The following OBI1 variants were observed in gnomAD, a reference collection of about 807,000 sequenced individuals.
The protein encoded by OBI1 is ORC ubiquitin ligase 1.
A neutral mutation model predicts 62.4 loss-of-function variants in OBI1; 59 were observed. That is an observed-to-expected ratio of 0.95 (90% CI 0.77 to 1.17). OBI1 has a LOEUF of 1.17. Ranked by LOEUF, OBI1 falls within the 50% of genes most tolerant of loss-of-function variation. The pLI is 0.00. For missense variants in OBI1, 875 were observed against 830.9 expected (o/e 1.05, Z -0.65); for synonymous variants, 302 against 292.8 (o/e 1.03, Z -0.32).
chr13:78,620,803 G>C, intron 5 of OBI1: 2 of 351,340 alleles, frequency 5.7e-6, no homozygotes, highest in Non-Finnish European at 1.1e-5. Context: ...CTATCACACA[G>C]AAAAACAGGA....
intron 5 of OBI1, among the ~76,000 whole-genome samples, chr13:78,620,366 C>T (rs534774209): frequency 5.3e-5 from 8 of 152,304 alleles, no homozygotes; most frequent in African/African-American, 1.9e-4. Context: ...TTTCTAATAT[C>T]ATTTACCATA....
At chr13:78,618,484 A>C (rs541662286) in intron 5 of OBI1, among the ~76,000 whole-genome samples, 1 of 152,216 alleles carries the variant, frequency 6.6e-6, no homozygotes, top group East Asian at 1.9e-4. Context: ...CTTAATGCCC[A>C]TCACCTCCTA....
chr13:78,652,134 G>A (rs552750105), intron 1 of OBI1, among the ~76,000 whole-genome samples: 4 of 152,164 alleles, frequency 2.6e-5, no homozygotes, highest in East Asian at 1.9e-4. Context: ...GGAAGATTTC[G>A]GAAACAGGTG....
intron 5 of OBI1, among the ~76,000 whole-genome samples, chr13:78,629,828 T>C (rs528080397): frequency 2.8e-4 from 42 of 152,194 alleles, no homozygotes; most frequent in African/African-American, 9.1e-4. Flanking sequence ...GTGGATGTAG[T>C]GGAGTCATGC....
In OBI1 at chr13:78,616,294, T is replaced by C. The variant is rs1459766192; in HGVS notation, c.1467A>G (p.Ala489=). 6.2e-7 allele frequency: 1 copy of C among 1,614,094 alleles called. No homozygotes were observed. The highest frequency in any genetic ancestry group is 1.1e-5 in the South Asian group (1 of 91,088). Residue 489 remains alanine, a synonymous_variant, in exon 6 of 6, where the codon GCA becomes GCG. Transcript: ENST00000282003. The stretch of plus-strand genomic sequence containing the variant: ...TTGAAGATATTTCTCCAACAGAATT[T>C]GCTATCGTGTTCCCCTCTGAACTTT... ...DFESSEGNTI[A]NSVGEISSKL... is the part of the protein sequence containing the mutation.
In OBI1 at chr13:78,653,896, G is replaced by A. The variant is rs573942772; in HGVS notation, c.72+5153C>T. ...AAGGATTAGTCTTCAGTGTAAAAAT[G>A]ACTATGGTAGGGGCACCACTACTTC... On this transcript the variant is annotated intron_variant, in intron 1 of 5. Coordinates refer to ENST00000282003, the MANE Select transcript of OBI1 (RefSeq NM_024546.4). Among the ~76,000 whole-genome samples, 3 of 152,238 alleles carry A rather than the reference G, an allele frequency of 2.0e-5. No homozygotes were observed. In the South Asian group the frequency reaches 6.2e-4, roughly 32 times the overall value.
intron 2 of OBI1, among the ~76,000 whole-genome samples, chr13:78,643,824 A>ATTTAAGTCC (rs1314383384): frequency 1.3e-5 from 2 of 152,036 alleles, no homozygotes; most frequent in Admixed American, 6.6e-5. Flanking sequence ...CATTTTCCCT[A>ATTTAAGTCC]ACTTGGGACT....
At chr13:78,619,854 T>C (rs572583219) in intron 5 of OBI1, among the ~76,000 whole-genome samples, 5 of 152,318 alleles carry the variant, frequency 3.3e-5, no homozygotes, top group South Asian at 2.1e-4. Context: ...GTGCCTTACA[T>C]TGAGACAGGG....
intron 1 of OBI1, among the ~76,000 whole-genome samples, chr13:78,645,525 C>G (rs1185789218): frequency 6.6e-6 from 1 of 152,178 alleles, no homozygotes; most frequent in East Asian, 1.9e-4. Flanking sequence ...AAGGCATGAG[C>G]TTCACTCTCA....
At chr13:78,641,458 T>C (rs1162998984) in intron 3 of OBI1, among the ~76,000 whole-genome samples, 1 of 152,210 alleles carries the variant, frequency 6.6e-6, no homozygotes, top group Admixed American at 6.5e-5. Flanking sequence ...AGGGGATCGA[T>C]ATCTCCTTCT....
In OBI1 at chr13:78,615,558, C is replaced by T; in HGVS notation, c.*22G>A. ...TTCTATTTCTCTCAGGACAAAACCACAAATGACACCTTTCTAATGAGTCAA... is the reference window on the plus strand; with the variant it reads ...TTCTATTTCTCTCAGGACAAAACCATAAATGACACCTTTCTAATGAGTCAA... On this transcript the variant is annotated 3_prime_UTR_variant, in exon 6 of 6. Coordinates refer to ENST00000282003, the MANE Select transcript of OBI1 (RefSeq NM_024546.4). 1 of 1,527,484 alleles carries T rather than the reference C, an allele frequency of 6.5e-7. No individual in the cohort carries two copies. The highest frequency in any genetic ancestry group is 1.4e-5 in the African/African-American group (1 of 71,826). 94.6% of individuals were successfully genotyped at this position (1,527,484 alleles called of 1,614,324 possible).
At chr13:78,634,067 CAAAAACAAAAAACAAAAAACA>C (rs1228196802) in intron 5 of OBI1, among the ~76,000 whole-genome samples, 3 of 107,118 alleles carry the variant, frequency 2.8e-5, no homozygotes, top group South Asian at 3.5e-4. Context: ...GACTCCGTCT[CAAAAACAAAAAACAAAAAACA>C]AAAAACAAAA....
rs75026876 is a variant in OBI1, at chr13:78,620,673, A to G, written c.639-3551T>C. 1,987 of 456,472 alleles carry G rather than the reference A, an allele frequency of 4.4e-3. 32 individuals are homozygous for G. Among genetic ancestry groups the G allele is most frequent in the African/African-American group, 0.034 (1,729 of 50,158 alleles). The allele number at this position is 456,472 out of a possible 1,614,324, so 28.3% of individuals were successfully genotyped here. On this transcript the variant is annotated intron_variant, in intron 5 of 5. Coordinates refer to ENST00000282003, the MANE Select transcript of OBI1 (RefSeq NM_024546.4). ...AAATAGCTCTAAGAGATACAAGATC[A>G]TTTCTGTCCCTAGTAAAAGAGAAAT...
intron 1 of OBI1, among the ~76,000 whole-genome samples, chr13:78,646,553 C>T (rs938454498): frequency 1.3e-5 from 2 of 152,048 alleles, no homozygotes; most frequent in African/African-American, 4.8e-5. Flanking sequence ...ATTTCATAGC[C>T]ATTTTCAATA....
intron 5 of OBI1, among the ~76,000 whole-genome samples, chr13:78,620,031 C>T (rs1198307387): frequency 6.6e-6 from 1 of 152,200 alleles, no homozygotes; most frequent in African/African-American, 2.4e-5. Flanking sequence ...ATGTACAGTA[C>T]AGCCTTTTTT....
rs189565231 is a variant in OBI1 at position 78,657,522 on chromosome 13, A to G, written c.72+1527T>C. Among the ~76,000 whole-genome samples, 333 of 152,340 alleles carry G rather than the reference A, an allele frequency of 2.2e-3. 1 individual carries two copies. The highest frequency in any genetic ancestry group is 7.5e-3 in the African/African-American group (313 of 41,594). On this transcript the variant is annotated intron_variant, in intron 1 of 5. Transcript: ENST00000282003. Reference sequence around the variant, plus strand: ...CCTATCTTAAAGCATTGGTGTGAAGAGTAAACAAAATAATATATGCATACA... The same window carrying G: ...CCTATCTTAAAGCATTGGTGTGAAGGGTAAACAAAATAATATATGCATACA...
chr13:78,648,278 A>C (rs1876444289), intron 1 of OBI1, among the ~76,000 whole-genome samples: 1 of 64,250 alleles, frequency 1.6e-5, no homozygotes, highest in African/African-American at 4.2e-5. Context: ...AACTTCCCCC[A>C]AACACACACA....
chr13:78,620,972 G>A (rs1875492448), intron 5 of OBI1, among the ~76,000 whole-genome samples: 1 of 152,192 alleles, frequency 6.6e-6, no homozygotes, highest in African/African-American at 2.4e-5. Flanking sequence ...CAAGCCCAGT[G>A]GGTGGCCAAG....
At chr13:78,627,747 G>A (rs1425021515) in intron 5 of OBI1, among the ~76,000 whole-genome samples, 1 of 152,162 alleles carries the variant, frequency 6.6e-6, no homozygotes, top group African/African-American at 2.4e-5. Flanking sequence ...ATGCAAGCAT[G>A]TATCTTTATA....
Sources: allele counts gnomAD v4.1 joint callset (sites outside exome capture counted in the v4.1 genomes callset), GRCh38; gene constraint gnomAD v4.1.1; transcripts MANE v1.5; gene names NCBI Gene and HGNC (gene_info 2026-07-23, HGNC 2026-07-21).